CDC42BPA: variants seen among roughly 807,000 people sequenced by gnomAD.
CDC42BPA encodes the protein serine/threonine-protein kinase MRCK alpha.
Under a neutral mutation model 223.5 loss-of-function variants are expected in CDC42BPA, and 80 were observed. The observed-to-expected ratio is 0.36, with a 90% confidence interval of 0.30 to 0.43. The LOEUF is 0.43. CDC42BPA is among the 20% of genes least tolerant of loss of function. The pLI, the probability that CDC42BPA is intolerant of heterozygous loss-of-function variation, is 1.00. For missense variants in CDC42BPA, 1,743 were observed against 2,099.9 expected (o/e 0.83, Z 3.32); for synonymous variants, 694 against 718.6 (o/e 0.97, Z 0.55).
At chr1:227,200,369 TGCAGTGG>T (rs1349247463) in intron 3 of CDC42BPA, among the ~76,000 whole-genome samples, 1 of 150,148 alleles carries the variant, frequency 6.7e-6, no homozygotes, top group Non-Finnish European at 1.5e-5. Flanking sequence ...AGGCACAGGT[TGCAGTGG>T]GCCAAGATCG....
chr1:227,112,080 ACTCCCTCCTG>A lies in CDC42BPA; in HGVS notation c.2001+222_2001+231del. On this transcript the variant is annotated intron_variant, in intron 14 of 36. Transcript: ENST00000366766. ...TGTGTAGGTCTGCATAAACATTCTA[ACTCCCTCCTG>A]ATAGATTCATATTTCCCACTAAACA... The A allele has an allele frequency of 2.9e-5, 10 of 347,602 alleles. No homozygotes were observed. The South Asian group carries it at 3.1e-4, about 11-fold the overall frequency. The allele number at this position is 347,602 out of a possible 1,614,324, so 21.5% of individuals were successfully genotyped here.
intron 1 of CDC42BPA, among the ~76,000 whole-genome samples, chr1:227,266,691 C>A (rs1685055390): frequency 6.6e-6 from 1 of 152,132 alleles, no homozygotes. Context: ...CTCAATTAGG[C>A]TATCAGAATA....
intron 5 of CDC42BPA, among the ~76,000 whole-genome samples, chr1:227,171,829 G>C (rs1049940748): frequency 6.6e-6 from 1 of 152,066 alleles, no homozygotes; most frequent in Non-Finnish European, 1.5e-5. Flanking sequence ...TATTTTAATT[G>C]CATGTACCTT....
At chr1:227,268,391 T>C (rs1047697426) in intron 1 of CDC42BPA, among the ~76,000 whole-genome samples, 2 of 152,012 alleles carry the variant, frequency 1.3e-5, no homozygotes, top group Admixed American at 6.6e-5. Context: ...CCAGACTCTA[T>C]TTTTACTATA....
intron 23 of CDC42BPA, among the ~76,000 whole-genome samples, chr1:227,045,144 G>T (rs1448016939): frequency 6.6e-6 from 1 of 151,974 alleles, no homozygotes; most frequent in Non-Finnish European, 1.5e-5. Flanking sequence ...CCTTGTTCTG[G>T]TAGAACTAAT....
intron 1 of CDC42BPA, among the ~76,000 whole-genome samples, chr1:227,310,200 C>A (rs1445371469): frequency 6.6e-6 from 1 of 152,226 alleles, no homozygotes; most frequent in Non-Finnish European, 1.5e-5. Flanking sequence ...GTCAGATAAA[C>A]TTCATAAATT....
At chr1:227,316,865 AAAAT>A in intron 1 of CDC42BPA, 136 bp downstream of exon 1, 2 of 663,146 alleles carry the variant, frequency 3.0e-6, no homozygotes, top group South Asian at 4.2e-5. Flanking sequence ...AAACTAGCGG[AAAAT>A]CTTGAATAAC....
intron 1 of CDC42BPA, among the ~76,000 whole-genome samples, chr1:227,285,692 T>A (rs1688694768): frequency 6.6e-6 from 1 of 152,174 alleles, no homozygotes; most frequent in Admixed American, 6.5e-5. Context: ...TACCATGGGA[T>A]TATCGAATGA....
At chr1:227,315,908 G>A (rs1276112446) in intron 1 of CDC42BPA, among the ~76,000 whole-genome samples, 1 of 135,108 alleles carries the variant, frequency 7.4e-6, no homozygotes, top group Non-Finnish European at 1.5e-5. Context: ...AGACATTCTT[G>A]TATCAGTGGT....
intron 11 of CDC42BPA, among the ~76,000 whole-genome samples, chr1:227,121,317 T>C (rs1688636662): frequency 6.6e-6 from 1 of 152,216 alleles, no homozygotes; most frequent in South Asian, 2.1e-4. Flanking sequence ...GACTGATGCT[T>C]TCAATAAATG....
chr1:226,994,529 T>G lies in CDC42BPA; in HGVS notation c.5134-130A>C. On this transcript the variant is annotated intron_variant, in intron 36 of 36. Coordinates refer to ENST00000366766, the MANE Select transcript of CDC42BPA (RefSeq NM_001394014.1). This position sits in a 1 kb window ranked among gnomAD's most constrained non-coding sequence, Gnocchi z 4.0. ...CCATGGGGCGGCCTCACTGTCGGTA[T>G]AAAGCCCCTTCTATGAGCTGAGGAA... 17 of 1,086,902 alleles carry G rather than the reference T, an allele frequency of 1.6e-5. No homozygotes were observed. The highest frequency in any genetic ancestry group is 1.8e-5 in the Non-Finnish European group (14 of 782,830). The allele number at this position is 1,086,902 out of a possible 1,614,324, so 67.3% of individuals were successfully genotyped here. A position where few individuals can be genotyped will look rare whatever the true frequency, so the allele number is the denominator to read the frequency against.
At chr1:226,995,077 G>T in intron 35 of CDC42BPA, 97 bp from the exon 36 acceptor site, 1 of 1,093,056 alleles carries the variant, frequency 9.1e-7, no homozygotes, top group Non-Finnish European at 1.3e-6. Context: ...TCCTTTGCAG[G>T]CCCCAGACCA....
At chr1:227,202,113 GCTGGGACTA>G (rs1358172206) in intron 3 of CDC42BPA, among the ~76,000 whole-genome samples, 16 of 152,150 alleles carry the variant, frequency 1.1e-4, no homozygotes, top group Non-Finnish European at 2.2e-4. Context: ...CTCCTGAGTA[GCTGGGACTA>G]CAGGTGAGTG....
intron 1 of CDC42BPA, among the ~76,000 whole-genome samples, chr1:227,268,681 C>T (rs867915940): frequency 6.4e-5 from 9 of 140,900 alleles, no homozygotes; most frequent in African/African-American, 8.1e-5. Context: ...TATATATATA[C>T]ACACACACAC....
intron 21 of CDC42BPA, among the ~76,000 whole-genome samples, chr1:227,059,124 A>G (rs866519792): frequency 1.3e-5 from 2 of 152,128 alleles, no homozygotes; most frequent in Non-Finnish European, 2.9e-5. Flanking sequence ...ACTAAAAAAG[A>G]TATCATTTTA....
chr1:227,091,827 C>A, intron 16 of CDC42BPA, 59 bp downstream of exon 16: 1 of 850,632 alleles, frequency 1.2e-6, no homozygotes, highest in South Asian at 1.8e-5. Context: ...CCCACAATTC[C>A]TATCAGTGTT....
At chr1:227,282,680 T>G (rs1246944642) in intron 1 of CDC42BPA, among the ~76,000 whole-genome samples, 4 of 152,244 alleles carry the variant, frequency 2.6e-5, no homozygotes. Flanking sequence ...TCTACCTTAC[T>G]CTTTGCTAGT....
rs1680914059 is a variant in CDC42BPA, at chr1:227,246,177, TG to T, written c.270+7886del. ...TGGTGTGGCCTGGCAGAACTGCTCA[TG>T]GAACAGTCATGGTGCTGGCCACAGA... On this transcript the variant is annotated intron_variant, in intron 2 of 36. Coordinates refer to ENST00000366766, the MANE Select transcript of CDC42BPA (RefSeq NM_001394014.1). Among the ~76,000 whole-genome samples the T allele has an allele frequency of 5.9e-5, 9 of 152,246 alleles. No homozygotes were observed. The South Asian group carries it at 1.9e-3, about 32-fold the overall frequency.
intron 8 of CDC42BPA, 52 bp from the exon 9 acceptor site, chr1:227,143,076 G>A: frequency 8.6e-7 from 1 of 1,166,330 alleles, no homozygotes; most frequent in Non-Finnish European, 1.2e-6. Flanking sequence ...ATGATCTGTA[G>A]GCTTGGCTAT....
Sources: allele counts gnomAD v4.1 joint callset (sites outside exome capture counted in the v4.1 genomes callset), GRCh38; gene constraint gnomAD v4.1.1; non-coding constraint Gnocchi (gnomAD v3.1); transcripts MANE v1.5; gene names NCBI Gene and HGNC (gene_info 2026-07-23, HGNC 2026-07-21).